SNX27: variants seen among roughly 807,000 people sequenced by gnomAD.
The protein encoded by SNX27 is sorting nexin-27.
In SNX27, 22 loss-of-function variants were observed where a neutral mutation model predicts 71.6. The observed-to-expected ratio is 0.31, with a 90% CI of 0.22 to 0.44. SNX27 has a LOEUF of 0.44. Among genes scored for constraint, SNX27 ranks in the 20% least tolerant of loss-of-function variants. SNX27 has a pLI of 1.00. For synonymous variants in SNX27, 269 were observed against 277.2 expected, an observed-to-expected ratio of 0.97 and a Z score of 0.29; for missense variants, 531 against 698.6, an observed-to-expected ratio of 0.76 and a Z score of 2.70.
intron 1 of SNX27, among the ~76,000 whole-genome samples, chr1:151,617,876 C>T (rs1667491706): frequency 9.7e-6 from 1 of 103,382 alleles, no homozygotes; most frequent in African/African-American, 4.0e-5. Flanking sequence ...CTTTTTAGAG[C>T]TGTTTTTTTT....
At chr1:151,625,584 C>T (rs1003912577) in intron 1 of SNX27, among the ~76,000 whole-genome samples, 15 of 151,618 alleles carry the variant, frequency 9.9e-5, no homozygotes, top group African/African-American at 3.6e-4. Context: ...TGCCTGTAAT[C>T]TGAGCACTAT....
At chr1:151,621,343 T>C (rs1403155266) in intron 1 of SNX27, among the ~76,000 whole-genome samples, 1 of 152,208 alleles carries the variant, frequency 6.6e-6, no homozygotes, top group Non-Finnish European at 1.5e-5. Context: ...CTGCAAGGTA[T>C]TGAGTTGCTG....
At chr1:151,658,547 T>A in intron 3 of SNX27, 120 bp downstream of exon 3, 1 of 1,000,890 alleles carries the variant, frequency 1.0e-6, no homozygotes, top group Non-Finnish European at 1.4e-6. Flanking sequence ...GGTTTCTGAC[T>A]AAGTATTGAA....
chr1:151,665,851 C>T, intron 5 of SNX27, 82 bp from the exon 6 acceptor site: 1 of 1,144,424 alleles, frequency 8.7e-7, no homozygotes, highest in Non-Finnish European at 1.3e-6. Context: ...CCTTTCCCTC[C>T]TCCACAGACA....
rs146772788 is a variant in SNX27 at position 151,634,574 on chromosome 1, C to T, written c.312-4314C>T. Among the ~76,000 whole-genome samples, 295 of 152,268 alleles carry T rather than the reference C, an allele frequency of 1.9e-3. 2 individuals are homozygous for T. Among genetic ancestry groups the T allele is most frequent in the African/African-American group, 6.6e-3 (274 of 41,548 alleles). On this transcript the variant is annotated intron_variant, in intron 1 of 11. Transcript: ENST00000458013. ...TCCCATTAGCTAGCTTAAGGCCTCT[C>T]TCTATTGGGGCCAAATGTTGGTCTT... is the stretch of plus-strand genomic sequence containing the variant.
Position 151,692,432 on chromosome 1 carries a change from T to TTTATTAAAAAAAA in SNX27, c.1240-3_1240-2insTTATTAAAAAAAA. 3 of 1,452,060 alleles carry TTTATTAAAAAAAA rather than the reference T, an allele frequency of 2.1e-6. No individual in the cohort carries two copies. Among genetic ancestry groups the TTTATTAAAAAAAA allele is most frequent in the Non-Finnish European group, 2.7e-6 (3 of 1,101,918 alleles). 89.9% of individuals were successfully genotyped at this position (1,452,060 alleles called of 1,614,324 possible). A position where few individuals can be genotyped will look rare whatever the true frequency, so the allele number is the denominator to read the frequency against. ...TTTTTTTTTTTTTTTTTTTTTTTTT[T>TTTATTAAAAAAAA]AGTACCTCAACATGCTAAGGACTTG... On this transcript the variant is annotated splice_polypyrimidine_tract_variant and splice_region_variant and intron_variant, in intron 8 of 11. Coordinates refer to ENST00000458013, the MANE Select transcript of SNX27 (RefSeq NM_001330723.2).
intron 1 of SNX27, among the ~76,000 whole-genome samples, chr1:151,630,261 C>T (rs1668163745): frequency 6.6e-6 from 1 of 151,978 alleles, no homozygotes; most frequent in South Asian, 2.1e-4. Context: ...CTCAGTAATA[C>T]AATTATTAGT....
At chr1:151,623,646 C>T (rs1443389044) in intron 1 of SNX27, among the ~76,000 whole-genome samples, 4 of 152,030 alleles carry the variant, frequency 2.6e-5, no homozygotes, top group Admixed American at 6.6e-5. Flanking sequence ...ATGATCCTCC[C>T]GTCTCGGCCT....
chr1:151,653,348 G>T (rs1669506624), intron 2 of SNX27, among the ~76,000 whole-genome samples: 1 of 152,104 alleles, frequency 6.6e-6, no homozygotes, highest in South Asian at 2.1e-4. Flanking sequence ...GTTTCAACTT[G>T]GAAATGGGCA....
In SNX27 at chr1:151,692,524, C is replaced by T. The variant is rs193058770; in HGVS notation, c.1329C>T (p.Ile443=). The T allele has an allele frequency of 1.0e-4, 159 of 1,564,020 alleles. No individual in the cohort carries two copies. The East Asian group carries it at 2.7e-3, about 26-fold the overall frequency. ...ACTCCAGGAGGAAGGGGCACGTTAT[C>T]ACAGCCATCAGCATCACGCACTTTA... is the stretch of plus-strand genomic sequence containing the variant. ...ACDSRRKGHV[I]TAISITHFKL... Residue 443 remains isoleucine, a synonymous_variant, in exon 9 of 12, where the codon ATC becomes ATT. Transcript: ENST00000458013.
chr1:151,617,171 A>G (rs1038011491), intron 1 of SNX27, among the ~76,000 whole-genome samples: 1 of 152,220 alleles, frequency 6.6e-6, no homozygotes, highest in Non-Finnish European at 1.5e-5. Flanking sequence ...TGAAATAAAG[A>G]TGGATGGTTA....
intron 1 of SNX27, among the ~76,000 whole-genome samples, chr1:151,637,547 G>C (rs994372514): frequency 4.6e-5 from 7 of 152,088 alleles, no homozygotes; most frequent in South Asian, 4.1e-4. Context: ...CAGTGAAAGG[G>C]GCTCTTTATT....
intron 8 of SNX27, 59 bp downstream of exon 8, chr1:151,683,504 A>G (rs1671061021): frequency 1.6e-6 from 2 of 1,282,122 alleles, no homozygotes; most frequent in Non-Finnish European, 2.2e-6. Context: ...TAAAACCTAT[A>G]GTCCTAGTCA....
chr1:151,676,937 T>C (rs1264940909), intron 7 of SNX27: 1 of 151,904 alleles, frequency 6.6e-6, no homozygotes, highest in African/African-American at 2.4e-5. Context: ...CTGTCTGGTG[T>C]GTGTGTGTGT....
chr1:151,616,968 T>G (rs1028611161), intron 1 of SNX27, among the ~76,000 whole-genome samples: 2 of 152,188 alleles, frequency 1.3e-5, no homozygotes, highest in Non-Finnish European at 2.9e-5. Flanking sequence ...CCCAGGGTGA[T>G]GCAGTAGGTT....
At position 151,687,848 on chromosome 1, in the gene SNX27, T is replaced by A. The variant is rs1474354786; in HGVS notation, c.1239+4403T>A. 2.0e-5 allele frequency among the ~76,000 whole-genome samples: 3 copies of A among 149,562 alleles called. No individual in the cohort carries two copies. The East Asian group carries it at 5.9e-4, about 29-fold the overall frequency. The stretch of plus-strand genomic sequence containing the variant: ...CTGTAGTCCCAGCTACTCAGGAGAC[T>A]GGGGCAGGAGAATGGCGTGAACCCA... On this transcript the variant is annotated intron_variant, in intron 8 of 11. Transcript: ENST00000458013.
chr1:151,631,096 AAAG>A (rs1668210077), intron 1 of SNX27, among the ~76,000 whole-genome samples: 1 of 152,236 alleles, frequency 6.6e-6, no homozygotes, highest in Non-Finnish European at 1.5e-5. Context: ...AGTTAGATGA[AAAG>A]GAGACAAACT....
chr1:151,651,644 G>C (rs1275435210), intron 2 of SNX27, among the ~76,000 whole-genome samples: 1 of 152,016 alleles, frequency 6.6e-6, no homozygotes, highest in Non-Finnish European at 1.5e-5. Flanking sequence ...TCAGACGATG[G>C]GTGGCCGGGC....
At chr1:151,694,278 C>T in intron 11 of SNX27, 92 bp from the exon 12 acceptor site, 1 of 1,528,708 alleles carries the variant, frequency 6.5e-7, no homozygotes, top group South Asian at 1.2e-5. Context: ...ATTGAGTCAT[C>T]CAGGCATACC....
Sources: allele counts gnomAD v4.1 joint callset (sites outside exome capture counted in the v4.1 genomes callset), GRCh38; gene constraint gnomAD v4.1.1; transcripts MANE v1.5; gene names NCBI Gene and HGNC (gene_info 2026-07-23, HGNC 2026-07-21).